PPP3CA: variants seen among roughly 807,000 people sequenced by gnomAD.
PPP3CA encodes the protein CAM-PRP catalytic subunit.
In PPP3CA, 14 loss-of-function variants were observed where a neutral mutation model predicts 66.5. The observed-to-expected ratio is 0.21, with a 90% CI of 0.14 to 0.33. The LOEUF (loss-of-function observed/expected upper bound fraction) is 0.33, where lower values mean the gene tolerates loss of function less well. PPP3CA is among the 10% of genes least tolerant of loss of function. The probability of loss-of-function intolerance (pLI) is 1.00; values close to 1 mark genes in which losing one functional copy is unlikely to be tolerated. For synonymous variants in PPP3CA, 232 were observed against 226.2 expected, an observed-to-expected ratio of 1.03 and a Z score of -0.23; for missense variants, 317 against 639.5, an observed-to-expected ratio of 0.50 and a Z score of 5.44.
At position 101,062,212 on chromosome 4, in the gene PPP3CA, A is replaced by G. The variant is rs17030730; in HGVS notation, c.1081+1020T>C. ...CGAAGCCAACAGATGACACTACTCC[A>G]ATTTGATCAGTGCAAGAAAGTTGCA... On this transcript the variant is annotated intron_variant, in intron 9 of 13. Transcript: ENST00000394854. Among the ~76,000 whole-genome samples, 978 of 152,168 alleles carry G rather than the reference A, an allele frequency of 6.4e-3. 15 individuals carry two copies. The highest frequency in any genetic ancestry group is 0.058 in the East Asian group (302 of 5,188).
At chr4:101,164,624 T>C (rs1723633280) in intron 2 of PPP3CA, among the ~76,000 whole-genome samples, 1 of 151,546 alleles carries the variant, frequency 6.6e-6, no homozygotes, top group South Asian at 2.1e-4. Flanking sequence ...AATCTGTTAA[T>C]TGGGTAGATT....
chr4:101,212,445 C>T (rs1378162230), intron 1 of PPP3CA, among the ~76,000 whole-genome samples: 1 of 152,058 alleles, frequency 6.6e-6, no homozygotes, highest in Non-Finnish European at 1.5e-5. Context: ...GGGAACAACA[C>T]ACATCGGGGC....
chr4:101,322,116 A>G (rs912188428), intron 1 of PPP3CA, among the ~76,000 whole-genome samples: 9 of 152,098 alleles, frequency 5.9e-5, no homozygotes, highest in Non-Finnish European at 1.2e-4. Flanking sequence ...TCACATAGCA[A>G]TTTTTTCTAT....
chr4:101,264,046 G>C (rs944298310), intron 1 of PPP3CA, among the ~76,000 whole-genome samples: 2 of 152,112 alleles, frequency 1.3e-5, no homozygotes, highest in Non-Finnish European at 2.9e-5. Flanking sequence ...TTAGTACACT[G>C]ATTCTCACAG....
At chr4:101,053,791 A>G (rs1187644459) in intron 10 of PPP3CA, among the ~76,000 whole-genome samples, 2 of 151,992 alleles carry the variant, frequency 1.3e-5, no homozygotes, top group African/African-American at 4.8e-5. Context: ...CCTCTGTCTA[A>G]GACCTGTTGA....
intron 8 of PPP3CA, among the ~76,000 whole-genome samples, chr4:101,064,988 T>C (rs997309720): frequency 1.3e-5 from 2 of 152,036 alleles, no homozygotes; most frequent in Non-Finnish European, 2.9e-5. Context: ...AGGGAACATA[T>C]AATCACAGAC....
chr4:101,033,500 C>T (rs1420960432), intron 11 of PPP3CA, among the ~76,000 whole-genome samples: 1 of 152,166 alleles, frequency 6.6e-6, no homozygotes, highest in African/African-American at 2.4e-5. Flanking sequence ...TAAGGGATCA[C>T]TCTTTAACTC....
At chr4:101,040,363 G>T in intron 11 of PPP3CA, 119 bp downstream of exon 11, 1 of 727,134 alleles carries the variant, frequency 1.4e-6, no homozygotes, top group East Asian at 3.3e-5. Flanking sequence ...TAATCTAAAA[G>T]GAAAAAAAGA....
At chr4:101,239,906 C>T (rs1034310415) in intron 1 of PPP3CA, among the ~76,000 whole-genome samples, 4 of 151,836 alleles carry the variant, frequency 2.6e-5, no homozygotes, top group African/African-American at 9.7e-5. Context: ...ACCAAGGGTA[C>T]AGTAAAACAC....
At chr4:101,028,305 CTA>C (rs1320130589) in intron 13 of PPP3CA, among the ~76,000 whole-genome samples, 1 of 152,108 alleles carries the variant, frequency 6.6e-6, no homozygotes, top group East Asian at 1.9e-4. Flanking sequence ...ATATTAAAAA[CTA>C]TTTTGATATG....
chr4:101,280,829 A>AG (rs1727657866), intron 1 of PPP3CA, among the ~76,000 whole-genome samples: 1 of 151,790 alleles, frequency 6.6e-6, no homozygotes, highest in African/African-American at 2.4e-5. Context: ...CAAAAAAAAA[A>AG]AAAAAAACTG....
chr4:101,280,252 AGACGTAAGGAGGT>A (rs1000279563), intron 1 of PPP3CA, among the ~76,000 whole-genome samples: 1 of 152,220 alleles, frequency 6.6e-6, no homozygotes, highest in Non-Finnish European at 1.5e-5. Context: ...ATATTTGAGC[AGACGTAAGGAGGT>A]GGGGAGACTA....
chr4:101,065,849 C>A (rs1333049316), intron 8 of PPP3CA, among the ~76,000 whole-genome samples: 1 of 152,094 alleles, frequency 6.6e-6, no homozygotes. Flanking sequence ...ATAGATAAAA[C>A]AGAAGTTCTG....
At chr4:101,106,465 G>GAAAGAA (rs1730744744) in intron 3 of PPP3CA, among the ~76,000 whole-genome samples, 1 of 42,132 alleles carries the variant, frequency 2.4e-5, no homozygotes, top group Admixed American at 1.9e-4. Context: ...GAAAAGAAAA[G>GAAAGAA]AAAAGAAAAG....
rs1163329750 is a variant in PPP3CA, at chr4:101,278,144, A to AAAAAT, written c.58+68594_58+68595insATTTT. ...TAGTAAAAAAAAAAAAAAAAATAAA[A>AAAAAT]AAATTAAAAAGTTATTTTAACTACG... is the stretch of plus-strand genomic sequence containing the variant. On this transcript the variant is annotated intron_variant, in intron 1 of 13. Coordinates refer to ENST00000394854, the MANE Select transcript of PPP3CA (RefSeq NM_000944.5). Among the ~76,000 whole-genome samples, 12 of 145,248 alleles carry AAAAAT rather than the reference A, an allele frequency of 8.3e-5. No individual in the cohort carries two copies. The East Asian group carries it at 1.2e-3, about 14-fold the overall frequency.
At chr4:101,189,871 A>C (rs1724542259) in intron 2 of PPP3CA, among the ~76,000 whole-genome samples, 1 of 151,992 alleles carries the variant, frequency 6.6e-6, no homozygotes, top group Admixed American at 6.6e-5. Context: ...ATCAGTGAAA[A>C]TTTTGTCATG....
At chr4:101,162,620 T>C (rs1159601824) in intron 2 of PPP3CA, among the ~76,000 whole-genome samples, 2 of 152,054 alleles carry the variant, frequency 1.3e-5, no homozygotes, top group African/African-American at 2.4e-5. Context: ...TGACACTTTG[T>C]GGAATATAAA....
At chr4:101,201,229 C>A (rs1724957610) in intron 1 of PPP3CA, among the ~76,000 whole-genome samples, 1 of 152,118 alleles carries the variant, frequency 6.6e-6, no homozygotes, top group African/African-American at 2.4e-5. Context: ...GTATTCTAGA[C>A]CCTGCATCCT....
At chr4:101,240,083 A>T (rs1726258392) in intron 1 of PPP3CA, among the ~76,000 whole-genome samples, 1 of 151,636 alleles carries the variant, frequency 6.6e-6, no homozygotes, top group Non-Finnish European at 1.5e-5. Context: ...ACTGGAACAC[A>T]AGATCAACTG....
Sources: allele counts gnomAD v4.1 joint callset (sites outside exome capture counted in the v4.1 genomes callset), GRCh38; gene constraint gnomAD v4.1.1; transcripts MANE v1.5; gene names NCBI Gene and HGNC (gene_info 2026-07-23, HGNC 2026-07-21).